Variants in PPM1E observed in about 807,000 individuals in gnomAD.
PPM1E encodes the protein protein phosphatase 1E.
PPM1E carries 20 observed loss-of-function variants against 65.9 expected under a neutral mutation model. The ratio of observed to expected loss-of-function variants is 0.30; its 90% confidence interval spans 0.21 to 0.44. PPM1E has a LOEUF of 0.44. Ranked by LOEUF, PPM1E falls within the 20% of genes least tolerant of loss-of-function variation. The pLI is 1.00. For missense variants in PPM1E, 713 were observed against 953.1 expected, an observed-to-expected ratio of 0.75 and a Z score of 3.32; for synonymous variants, 352 against 374.9, an observed-to-expected ratio of 0.94 and a Z score of 0.70.
At chr17:58,910,485 A>C (rs763482143) in intron 1 of PPM1E, among the ~76,000 whole-genome samples, 1 of 151,984 alleles carries the variant, frequency 6.6e-6, no homozygotes, top group African/African-American at 2.4e-5. Flanking sequence ...CCTCTCCACC[A>C]TATCTAGTTC....
chr17:58,969,857 A>C (rs2030481754), intron 4 of PPM1E, 130 bp downstream of exon 4: 1 of 856,316 alleles, frequency 1.2e-6, no homozygotes, highest in African/African-American at 1.7e-5. Flanking sequence ...CTTGACTCAC[A>C]GTATTGGATT....
intron 1 of PPM1E, among the ~76,000 whole-genome samples, chr17:58,779,192 T>TG (rs397942760): frequency 6.7e-6 from 1 of 150,174 alleles, no homozygotes; most frequent in Non-Finnish European, 1.5e-5. Flanking sequence ...TTTTTTTTTT[T>TG]GAGTCGGAGT....
At chr17:58,941,006 C>T (rs1237855201) in intron 1 of PPM1E, among the ~76,000 whole-genome samples, 5 of 152,246 alleles carry the variant, frequency 3.3e-5, no homozygotes, top group East Asian at 1.9e-4. Context: ...CCACCACACC[C>T]GGCCCAGATC....
chr17:58,768,132 A>C lies in PPM1E; in HGVS notation c.464+11671A>C, dbSNP rs150963340. Among the ~76,000 whole-genome samples, 874 of 152,030 alleles carry C rather than the reference A, an allele frequency of 5.7e-3. 5 individuals carry two copies. Among genetic ancestry groups the C allele is most frequent in the African/African-American group, 9.3e-3 (387 of 41,480 alleles). ...TGCCCAGCTAATTTTTTGTATTTTG[A>C]GTAGAGATGGGGTTTCACCATGTTG... On this transcript the variant is annotated intron_variant, in intron 1 of 6. Coordinates refer to ENST00000308249, the MANE Select transcript of PPM1E (RefSeq NM_014906.5).
chr17:58,882,190 G>A (rs2051203502), intron 1 of PPM1E, among the ~76,000 whole-genome samples: 1 of 151,744 alleles, frequency 6.6e-6, no homozygotes, highest in East Asian at 1.9e-4. Context: ...AAAAAGAAAA[G>A]AAAGAAGTAC....
At chr17:58,865,172 G>A (rs893881408) in intron 1 of PPM1E, among the ~76,000 whole-genome samples, 4 of 150,414 alleles carry the variant, frequency 2.7e-5, no homozygotes, top group East Asian at 2.0e-4. Flanking sequence ...GATGGATCAC[G>A]AGGTCAGAGA....
intron 1 of PPM1E, among the ~76,000 whole-genome samples, chr17:58,943,535 G>A (rs754028058): frequency 8.5e-5 from 13 of 152,164 alleles, no homozygotes; most frequent in African/African-American, 2.7e-4. Flanking sequence ...CTGATATGAC[G>A]ATTTCATATC....
chr17:58,811,860 A>G (rs2050371659), intron 1 of PPM1E, among the ~76,000 whole-genome samples: 1 of 151,940 alleles, frequency 6.6e-6, no homozygotes, highest in African/African-American at 2.4e-5. Context: ...TAGTAGAGAC[A>G]GGGTTTCACC....
At chr17:58,895,951 A>C (rs1406499252) in intron 1 of PPM1E, among the ~76,000 whole-genome samples, 7 of 140,594 alleles carry the variant, frequency 5.0e-5, no homozygotes, top group African/African-American at 1.4e-4. Flanking sequence ...TAAACATACA[A>C]AAAAAAAAAA....
At chr17:58,871,816 CAAAA>C (rs56173332) in intron 1 of PPM1E, among the ~76,000 whole-genome samples, 16 of 143,256 alleles carry the variant, frequency 1.1e-4, no homozygotes, top group South Asian at 2.2e-4. Flanking sequence ...GACCCTGTCT[CAAAA>C]AAAAAAAAAA....
At chr17:58,903,647 A>G (rs753144063) in intron 1 of PPM1E, among the ~76,000 whole-genome samples, 11 of 152,126 alleles carry the variant, frequency 7.2e-5, no homozygotes, top group African/African-American at 2.7e-4. Context: ...ACAGACATAA[A>G]CGTACCACTT....
intron 1 of PPM1E, among the ~76,000 whole-genome samples, chr17:58,857,150 C>T (rs551931565): frequency 6.6e-6 from 1 of 152,268 alleles, no homozygotes; most frequent in African/African-American, 2.4e-5. Flanking sequence ...CTTCACTACA[C>T]ACTTCCTAAA....
intron 1 of PPM1E, among the ~76,000 whole-genome samples, chr17:58,863,601 G>C (rs74843581): frequency 0.011 from 1,714 of 152,254 alleles, 55 homozygotes; most frequent in Admixed American, 0.067. Flanking sequence ...CAGCCTTTTT[G>C]GGTTCCTGCA....
chr17:58,898,419 C>T (rs559230764), intron 1 of PPM1E, among the ~76,000 whole-genome samples: 1 of 152,282 alleles, frequency 6.6e-6, no homozygotes, highest in African/African-American at 2.4e-5. Context: ...TGCTCATCAT[C>T]ACTGGCCATC....
chr17:58,898,351 T>A (rs908136009), intron 1 of PPM1E, among the ~76,000 whole-genome samples: 5 of 151,366 alleles, frequency 3.3e-5, no homozygotes, highest in Non-Finnish European at 5.9e-5. Context: ...AGGCAAAGTA[T>A]GTGAACAGAC....
At chr17:58,816,872 C>G (rs1330271910) in intron 1 of PPM1E, among the ~76,000 whole-genome samples, 2 of 146,988 alleles carry the variant, frequency 1.4e-5, no homozygotes, top group East Asian at 2.0e-4. Flanking sequence ...CTCAGCTCAC[C>G]GCAACCTCCA....
chr17:58,856,545 C>A (rs1428731882), intron 1 of PPM1E, among the ~76,000 whole-genome samples: 1 of 152,148 alleles, frequency 6.6e-6, no homozygotes, highest in African/African-American at 2.4e-5. Flanking sequence ...ATTGTCTCCA[C>A]CAAATTCATA....
chr17:58,886,422 C>A (rs1219251736), intron 1 of PPM1E, among the ~76,000 whole-genome samples: 1 of 152,074 alleles, frequency 6.6e-6, no homozygotes, highest in Non-Finnish European at 1.5e-5. Context: ...TTATAACAAG[C>A]AAGTGGTAGT....
intron 2 of PPM1E, among the ~76,000 whole-genome samples, chr17:58,962,568 G>A (rs1044935143): frequency 2.0e-5 from 3 of 152,174 alleles, no homozygotes; most frequent in Admixed American, 6.6e-5. Context: ...CTGCTGCAGA[G>A]ACCAGATAGG....
Sources: allele counts gnomAD v4.1 joint callset (sites outside exome capture counted in the v4.1 genomes callset), GRCh38; gene constraint gnomAD v4.1.1; transcripts MANE v1.5; gene names NCBI Gene and HGNC (gene_info 2026-07-23, HGNC 2026-07-21).